Variants in MACO1 observed in about 807,000 individuals in gnomAD.
MACO1 encodes the protein macoilin 1, also known as macoilin.
In MACO1, 14 loss-of-function variants were observed where a neutral mutation model predicts 78.7. The observed-to-expected ratio is 0.18, with a 90% CI of 0.12 to 0.28. MACO1 has a LOEUF of 0.28. MACO1 is among the 10% of genes least tolerant of loss of function. MACO1 has a pLI of 1.00. For synonymous variants in MACO1, 288 were observed against 291.6 expected (o/e 0.99, Z 0.12); for missense variants, 501 against 799.0 (o/e 0.63, Z 4.50).
At chr1:25,482,378 C>A (rs1376958519) in intron 6 of MACO1, among the ~76,000 whole-genome samples, 1 of 152,158 alleles carries the variant, frequency 6.6e-6, no homozygotes, top group East Asian at 1.9e-4. Flanking sequence ...CCATCCTTGA[C>A]CTGACCTTCA....
chr1:25,466,844 G>A (rs1046646964), intron 6 of MACO1, among the ~76,000 whole-genome samples: 1 of 152,014 alleles, frequency 6.6e-6, no homozygotes, highest in Non-Finnish European at 1.5e-5. Context: ...AGAGTTGTTT[G>A]TGCAGTTTTT....
chr1:25,465,343 T>C (rs2043209049), intron 6 of MACO1, among the ~76,000 whole-genome samples: 1 of 152,216 alleles, frequency 6.6e-6, no homozygotes, highest in Admixed American at 6.5e-5. Context: ...TGCTGGATCA[T>C]AGAGTATGTT....
chr1:25,431,760 C>T (rs996703682), intron 1 of MACO1, among the ~76,000 whole-genome samples: 11 of 152,216 alleles, frequency 7.2e-5, no homozygotes, highest in African/African-American at 2.7e-4. Flanking sequence ...AAACTTGGCA[C>T]CCAGGGCTGA....
chr1:25,434,056 G>T (rs942277958), intron 1 of MACO1, among the ~76,000 whole-genome samples: 2 of 152,178 alleles, frequency 1.3e-5, no homozygotes, highest in African/African-American at 2.4e-5. Flanking sequence ...ACTGTCAAAT[G>T]ATATCATTTA....
Position 25,431,026 on chromosome 1 carries a change from C to A in MACO1, c.-73C>A, listed in dbSNP as rs1277397892. 4 of 1,223,842 alleles carry A rather than the reference C, an allele frequency of 3.3e-6. No homozygotes were observed. In the African/African-American group the frequency reaches 6.5e-5, roughly 20 times the overall value. 75.8% of individuals were successfully genotyped at this position (1,223,842 alleles called of 1,614,324 possible). On this transcript the variant is annotated 5_prime_UTR_variant, in exon 1 of 11. Transcript: ENST00000374343. ...GGTAGAGTCCAGGCCCGACGCGGGGCGGGCCAGCGGCGGCGGCAGCTGAGG... is the reference window on the plus strand; with the variant it reads ...GGTAGAGTCCAGGCCCGACGCGGGGAGGGCCAGCGGCGGCGGCAGCTGAGG...
chr1:25,451,958 AAAG>A (rs1244384478), intron 3 of MACO1, among the ~76,000 whole-genome samples: 1 of 151,998 alleles, frequency 6.6e-6, no homozygotes, highest in Non-Finnish European at 1.5e-5. Flanking sequence ...AAGAAAAAAA[AAAG>A]AAAAGGAAAA....
At chr1:25,470,181 C>T (rs764754700) in intron 6 of MACO1, among the ~76,000 whole-genome samples, 1 of 152,158 alleles carries the variant, frequency 6.6e-6, no homozygotes, top group South Asian at 2.1e-4. Flanking sequence ...CAAGATGTCC[C>T]TATTTTGTGA....
intron 1 of MACO1, among the ~76,000 whole-genome samples, chr1:25,444,486 G>GA (rs923056837): frequency 7.2e-5 from 11 of 151,920 alleles, no homozygotes; most frequent in African/African-American, 2.7e-4. Flanking sequence ...TAGACACAAG[G>GA]AAAAAAACTC....
chr1:25,440,571 C>A (rs1339035535), intron 1 of MACO1, among the ~76,000 whole-genome samples: 2 of 151,810 alleles, frequency 1.3e-5, no homozygotes, highest in Non-Finnish European at 2.9e-5. Flanking sequence ...GAGTTCGAGA[C>A]CAGCCTGGTC....
rs1214195405 is a variant in MACO1 at position 25,446,828 on chromosome 1, G to A, written c.147G>A (p.Glu49=). ...ALVLLADFVL[E]FRFEYLWPFW... ...TCCTCCTAGCAGATTTTGTCCTGGA[G>A]TTCAGATTTGAATACCTGTGGCCAT... The change falls in exon 2 of 11, where the codon GAG becomes GAA. Residue 49 remains glutamate (E), a synonymous_variant. Coordinates refer to ENST00000374343, the MANE Select transcript of MACO1 (RefSeq NM_018202.6). The A allele has an allele frequency of 1.2e-6, 2 of 1,614,014 alleles. No homozygotes were observed. The highest frequency in any genetic ancestry group is 8.5e-7 in the Non-Finnish European group (1 of 1,179,962).
intron 1 of MACO1, among the ~76,000 whole-genome samples, chr1:25,443,372 G>A (rs998575759): frequency 6.6e-6 from 1 of 152,180 alleles, no homozygotes; most frequent in African/African-American, 2.4e-5. Context: ...TGTTAATTAG[G>A]TTGTCTCTTG....
chr1:25,493,727 C>CTTTTTT (rs1189775109), intron 10 of MACO1, among the ~76,000 whole-genome samples: 129 of 91,994 alleles, frequency 1.4e-3, no homozygotes, highest in Admixed American at 1.5e-3. Context: ...TAGTTTGATT[C>CTTTTTT]TTTTTTTTTT....
At chr1:25,452,544 A>T (rs548519726) in intron 3 of MACO1, among the ~76,000 whole-genome samples, 84 of 152,142 alleles carry the variant, frequency 5.5e-4, no homozygotes, top group African/African-American at 1.9e-3. Context: ...CTTAAGGATT[A>T]TTTTTTTTAT....
chr1:25,475,133 A>G (rs1012301946), intron 6 of MACO1, among the ~76,000 whole-genome samples: 7 of 151,702 alleles, frequency 4.6e-5, no homozygotes, highest in African/African-American at 1.7e-4. Flanking sequence ...TCACGAGGTC[A>G]GGAGATCGAG....
At chr1:25,454,934 A>C (rs2043106756) in intron 4 of MACO1, among the ~76,000 whole-genome samples, 1 of 152,176 alleles carries the variant, frequency 6.6e-6, no homozygotes, top group African/African-American at 2.4e-5. Flanking sequence ...AGATGAGTGA[A>C]TCCCAGCTCT....
Position 25,454,338 on chromosome 1 carries a change from C to G in MACO1, c.429C>G (p.Leu143=). Reference sequence around the variant, plus strand: ...AAGCAGCCATTAGATTTAAAGATCTCAAAAACTTTCATGTAGACCTTTGTC... The same window carrying G: ...AAGCAGCCATTAGATTTAAAGATCTGAAAAACTTTCATGTAGACCTTTGTC... ...YIEAAIRFKD[L]KNFHVDLCRP... The change falls in exon 4 of 11, where the codon CTC becomes CTG. Residue 143 remains leucine (L), a synonymous_variant. Coordinates refer to ENST00000374343, the MANE Select transcript of MACO1 (RefSeq NM_018202.6). 1 of 1,611,440 alleles carries G rather than the reference C, an allele frequency of 6.2e-7. No individual in the cohort carries two copies. Among genetic ancestry groups the G allele is most frequent in the Admixed American group, 1.7e-5 (1 of 59,670 alleles).
chr1:25,459,538 G>A (rs1042713804), intron 6 of MACO1, among the ~76,000 whole-genome samples: 7 of 148,982 alleles, frequency 4.7e-5, no homozygotes, highest in African/African-American at 1.0e-4. Context: ...AGGCTGGCAC[G>A]ATCTCGGCTC....
intron 1 of MACO1, among the ~76,000 whole-genome samples, chr1:25,439,761 G>C (rs1463077675): frequency 6.6e-6 from 1 of 150,958 alleles, no homozygotes; most frequent in Non-Finnish European, 1.5e-5. Flanking sequence ...GCTCACACCT[G>C]TAATCCCAGC....
At chr1:25,480,975 T>TATA (rs2043372106) in intron 6 of MACO1, among the ~76,000 whole-genome samples, 1 of 128,256 alleles carries the variant, frequency 7.8e-6, no homozygotes. Context: ...TATATATATA[T>TATA]TTCATGTTCT....
Sources: gnomAD v4.1 joint callset for allele counts (sites outside exome capture counted in the v4.1 genomes callset) on GRCh38, gnomAD v4.1.1 for gene constraint, MANE v1.5 for transcripts, NCBI Gene and HGNC (gene_info 2026-07-23, HGNC 2026-07-21) for gene names.